The following RBBP8 variants were observed in gnomAD, a reference collection of about 807,000 sequenced individuals.
RBBP8 encodes RB binding protein 8, endonuclease, also known as DNA endonuclease RBBP8.
A neutral mutation model predicts 108.3 loss-of-function variants in RBBP8; 88 were observed. The observed-to-expected ratio is 0.81, with a 90% CI of 0.68 to 0.97. RBBP8 has a LOEUF of 0.97. Among genes scored for constraint, RBBP8 ranks in the 50% least tolerant of loss-of-function variants. The probability of loss-of-function intolerance (pLI) is 0.00; values close to 1 mark genes in which losing one functional copy is unlikely to be tolerated. For synonymous variants in RBBP8, 332 were observed against 348.2 expected (o/e 0.95, Z 0.52); for missense variants, 1,023 against 1,049.0 (o/e 0.98, Z 0.34).
intron 2 of RBBP8, among the ~76,000 whole-genome samples, chr18:22,916,599 G>A (rs1454634005): frequency 6.6e-6 from 1 of 151,988 alleles, no homozygotes; most frequent in African/African-American, 2.4e-5. Flanking sequence ...AAAATCATTT[G>A]TTTTTATATT....
At position 23,011,785 on chromosome 18, in the gene RBBP8, T is replaced by C. The variant is rs185065776; in HGVS notation, c.2358-5043T>C. 1.2e-3 allele frequency among the ~76,000 whole-genome samples: 189 copies of C among 152,266 alleles called. 3 individuals carry two copies. Among genetic ancestry groups the C allele is most frequent in the Admixed American group, 0.011 (161 of 15,298 alleles). On this transcript the variant is annotated intron_variant, in intron 16 of 18. Coordinates refer to ENST00000327155, the MANE Select transcript of RBBP8 (RefSeq NM_002894.3). Reference sequence around the variant, plus strand: ...TTTGGGTCATCATGAACGATGCCCGTGTAAGACAGCGAACTCAATCAATGA... The same window carrying C: ...TTTGGGTCATCATGAACGATGCCCGCGTAAGACAGCGAACTCAATCAATGA...
intron 4 of RBBP8, among the ~76,000 whole-genome samples, chr18:22,956,684 A>G (rs1912579086): frequency 1.3e-5 from 2 of 152,212 alleles, no homozygotes; most frequent in African/African-American, 4.8e-5. Flanking sequence ...TCTTCATAAA[A>G]CAAAGCAATT....
intron 4 of RBBP8, among the ~76,000 whole-genome samples, chr18:22,964,341 AT>A (rs1318633183): frequency 2.0e-5 from 3 of 147,188 alleles, no homozygotes; most frequent in African/African-American, 5.0e-5. Context: ...TTTTGTATAG[AT>A]CTGTTAACAT....
chr18:23,020,370 G>A (rs1363674370), intron 17 of RBBP8, among the ~76,000 whole-genome samples: 1 of 151,896 alleles, frequency 6.6e-6, no homozygotes, highest in Non-Finnish European at 1.5e-5. Context: ...GCAGTGAGCC[G>A]AGATTGCTCC....
intron 13 of RBBP8, 52 bp downstream of exon 13, chr18:22,996,514 G>T (rs2045861875): frequency 6.3e-7 from 1 of 1,598,674 alleles, no homozygotes; most frequent in South Asian, 1.1e-5. Flanking sequence ...CCAATGAGTT[G>T]TTAGTCAACC....
chr18:22,916,067 T>C (rs1909343300), intron 2 of RBBP8, among the ~76,000 whole-genome samples: 1 of 152,136 alleles, frequency 6.6e-6, no homozygotes, highest in Non-Finnish European at 1.5e-5. Flanking sequence ...GATATATAAA[T>C]TTGTCAATCA....
chr18:22,945,991 T>C (rs1278444697), intron 2 of RBBP8, among the ~76,000 whole-genome samples: 1 of 152,234 alleles, frequency 6.6e-6, no homozygotes, highest in Non-Finnish European at 1.5e-5. Context: ...ATGTAATAGA[T>C]ATCTTGAGAT....
intron 5 of RBBP8, among the ~76,000 whole-genome samples, chr18:22,970,770 T>C (rs1179753139): frequency 6.6e-6 from 1 of 152,188 alleles, no homozygotes; most frequent in Non-Finnish European, 1.5e-5. Context: ...TATTTATATA[T>C]TATGGAAGGA....
At chr18:22,945,800 G>A (rs2144461703) in intron 2 of RBBP8, among the ~76,000 whole-genome samples, 1 of 152,222 alleles carries the variant, frequency 6.6e-6, no homozygotes, top group African/African-American at 2.4e-5. Flanking sequence ...TATTTGTTCA[G>A]TGACTTTTTT....
upstream of RBBP8, chr18:22,933,246 G>A (rs895435410): frequency 6.6e-6 from 1 of 152,218 alleles, no homozygotes; most frequent in African/African-American, 2.4e-5. Flanking sequence ...CCGCACCGAA[G>A]AGCCCGCTCC....
chr18:22,950,651 C>G (rs1251711395), intron 4 of RBBP8, among the ~76,000 whole-genome samples: 1 of 151,724 alleles, frequency 6.6e-6, no homozygotes, highest in African/African-American at 2.4e-5. Context: ...GGCATAGTGG[C>G]TCATGCCTGT....
chr18:22,935,394 A>G (rs927359310), intron 1 of RBBP8, among the ~76,000 whole-genome samples: 1 of 151,682 alleles, frequency 6.6e-6, no homozygotes, highest in Non-Finnish European at 1.5e-5. Flanking sequence ...CTAAAAAAAA[A>G]ACAAACAAAA....
chr18:22,921,428 TC>T (rs1909589579), intron 3 of RBBP8, among the ~76,000 whole-genome samples: 1 of 152,220 alleles, frequency 6.6e-6, no homozygotes, highest in African/African-American at 2.4e-5. Flanking sequence ...CATACTTGTT[TC>T]TATTGGCTTC....
chr18:22,929,523 G>GGTGTGTGTGTGTGTGTGT (rs71161348), upstream of RBBP8: 1 of 118,588 alleles, frequency 8.4e-6, no homozygotes, highest in South Asian at 2.8e-4. Context: ...GAGACAGGCG[G>GGTGTGTGTGTGTGTGTGT]GTGTGTGTGT....
chr18:23,022,651 T>TAAAATAAAAAAAATAAAATATAAAATAAA (rs370599195), intron 18 of RBBP8, among the ~76,000 whole-genome samples: 2 of 84,380 alleles, frequency 2.4e-5, no homozygotes, highest in Non-Finnish European at 4.5e-5. Flanking sequence ...TAAAATACAA[T>TAAAATAAAAAAAATAAAATATAAAATAAA]ATAAAATAAA....
intron 6 of RBBP8, among the ~76,000 whole-genome samples, chr18:22,979,975 G>A (rs796612071): frequency 4.6e-5 from 7 of 152,012 alleles, no homozygotes; most frequent in African/African-American, 7.2e-5. Context: ...GCTGGGCGCC[G>A]TGGTTCACGC....
At chr18:22,989,111 T>C in intron 8 of RBBP8, 110 bp from the exon 9 acceptor site, 1 of 752,296 alleles carries the variant, frequency 1.3e-6, no homozygotes. Flanking sequence ...TGCCATCTTA[T>C]GAAGTGTGAG....
rs1440805960 is a variant in RBBP8, at chr18:22,946,494, T to A, written c.152+8T>A. The A allele has an allele frequency of 5.6e-6, 9 of 1,612,464 alleles. No homozygotes were observed. Among genetic ancestry groups the A allele is most frequent in the Non-Finnish European group, 7.6e-6 (9 of 1,179,106 alleles). ...AAAACAGGAACGAATCTTGTAAGTA[T>A]CAGTATGTAATACTCATGTGTTATT... On this transcript the variant is annotated splice_region_variant and intron_variant, in intron 3 of 18. Transcript: ENST00000327155.
At chr18:23,013,899 T>C (rs35738088) in intron 16 of RBBP8, among the ~76,000 whole-genome samples, 1,857 of 152,344 alleles carry the variant, frequency 0.012, 43 homozygotes, top group African/African-American at 0.042. Flanking sequence ...TTTTTTCCAC[T>C]GTCATAATTT....
Sources: gnomAD v4.1 joint callset for allele counts (sites outside exome capture counted in the v4.1 genomes callset) on GRCh38, gnomAD v4.1.1 for gene constraint, MANE v1.5 for transcripts, NCBI Gene and HGNC (gene_info 2026-07-23, HGNC 2026-07-21) for gene names.